PTPRN2: variants seen among roughly 807,000 people sequenced by gnomAD.
The protein encoded by PTPRN2 is protein tyrosine phosphatase receptor type N2, also known as receptor-type tyrosine-protein phosphatase N2.
PTPRN2 carries 74 observed loss-of-function variants against 118.8 expected under a neutral mutation model. The ratio of observed to expected loss-of-function variants is 0.62; its 90% CI spans 0.52 to 0.76. PTPRN2 has a LOEUF of 0.76. PTPRN2 is among the 30% of genes least tolerant of loss of function. PTPRN2 has a pLI of 0.00. For missense variants in PTPRN2, 1,481 were observed against 1,394.4 expected (o/e 1.06, Z -0.99); for synonymous variants, 641 against 608.0 (o/e 1.05, Z -0.80).
intron 12 of PTPRN2, among the ~76,000 whole-genome samples, chr7:157,750,304 C>T (rs182216908): frequency 5.9e-5 from 9 of 152,258 alleles, no homozygotes; most frequent in African/African-American, 1.2e-4. Flanking sequence ...TTTGGCCAAA[C>T]GATCAAAACA....
At chr7:158,011,301 C>T (rs1806029594) in intron 11 of PTPRN2, among the ~76,000 whole-genome samples, 1 of 152,180 alleles carries the variant, frequency 6.6e-6, no homozygotes, top group African/African-American at 2.4e-5. Flanking sequence ...GTCTATGTCT[C>T]CCGGTGATTG....
At chr7:157,973,160 C>T (rs1802473403) in intron 11 of PTPRN2, among the ~76,000 whole-genome samples, 1 of 152,186 alleles carries the variant, frequency 6.6e-6, no homozygotes, top group Admixed American at 6.5e-5. Context: ...ATGAGATGCC[C>T]TGGAGCAGCA....
chr7:157,590,167 CTTAAG>C lies in PTPRN2; in HGVS notation c.2496+5066_2496+5070del, dbSNP rs1800903845. ...TAATGTAGCACAAGATTGGCCCATA[CTTAAG>C]TTTTCTTTCCATTCTTCCTTTAAAA... is the stretch of plus-strand genomic sequence containing the variant. On this transcript the variant is annotated intron_variant, in intron 17 of 22. Coordinates refer to ENST00000389418, the MANE Select transcript of PTPRN2 (RefSeq NM_002847.5). The surrounding 1 kb of genome is among the most constrained non-coding windows in gnomAD (Gnocchi z 4.0). Among the ~76,000 whole-genome samples the C allele has an allele frequency of 6.6e-6, 1 of 152,178 alleles. No homozygotes were observed. Among genetic ancestry groups the C allele is most frequent in the Admixed American group, 6.5e-5 (1 of 15,276 alleles).
chr7:157,704,609 C>T (rs1798237360), intron 12 of PTPRN2, among the ~76,000 whole-genome samples: 1 of 152,168 alleles, frequency 6.6e-6, no homozygotes, highest in East Asian at 1.9e-4. Context: ...ACATTCGCTT[C>T]TGGGCACACG....
At chr7:158,361,484 C>G (rs1808956463) in intron 2 of PTPRN2, among the ~76,000 whole-genome samples, 1 of 152,206 alleles carries the variant, frequency 6.6e-6, no homozygotes, top group African/African-American at 2.4e-5. Context: ...CTCTTTTGCT[C>G]TTTCTTGCTG....
intron 1 of PTPRN2, chr7:158,537,594 C>G (rs1825723652): frequency 6.6e-6 from 1 of 152,650 alleles, no homozygotes. Context: ...AGAAGACCAG[C>G]AGACCAGGGG....
intron 11 of PTPRN2, chr7:158,027,892 GAGA>G (rs1347918011): frequency 6.6e-6 from 1 of 152,188 alleles, no homozygotes; most frequent in Non-Finnish European, 1.5e-5. Context: ...CCAAAACTGG[GAGA>G]AGGTCAGGCC....
chr7:157,754,736 T>A (rs1313753109), intron 12 of PTPRN2, among the ~76,000 whole-genome samples: 1 of 152,190 alleles, frequency 6.6e-6, no homozygotes, highest in Admixed American at 6.5e-5. Flanking sequence ...TGTAGTTAGT[T>A]TTCTTTGTAG....
At chr7:157,870,363 T>C (rs1284588703) in intron 12 of PTPRN2, among the ~76,000 whole-genome samples, 1 of 152,260 alleles carries the variant, frequency 6.6e-6, no homozygotes, top group African/African-American at 2.4e-5. Context: ...TCATTCTTTC[T>C]TAAAATGAGT....
chr7:157,794,652 C>T lies in PTPRN2; in HGVS notation c.1788+104021G>A, dbSNP rs1804752261. On this transcript the variant is annotated intron_variant, in intron 12 of 22. Coordinates refer to ENST00000389418, the MANE Select transcript of PTPRN2 (RefSeq NM_002847.5). This position sits in a 1 kb window ranked among gnomAD's most constrained non-coding sequence, Gnocchi z 5.2. The stretch of plus-strand genomic sequence containing the variant: ...CGTAAGTGGGAAAAGTGGGTGCCTT[C>T]TGTATTTTACATTTTTTATTGTGTC... Among the ~76,000 whole-genome samples the T allele has an allele frequency of 6.6e-6, 1 of 152,214 alleles. No homozygotes were observed. Among genetic ancestry groups the T allele is most frequent in the East Asian group, 1.9e-4 (1 of 5,200 alleles).
chr7:157,696,092 T>A (rs11772731), intron 12 of PTPRN2, among the ~76,000 whole-genome samples: 14,663 of 125,290 alleles, frequency 0.12, 411 homozygotes, highest in Non-Finnish European at 0.16. Context: ...GCATACTGGG[T>A]CTTGGCAGAG....
At chr7:158,414,900 A>AC (rs1422211070) in intron 2 of PTPRN2, among the ~76,000 whole-genome samples, 1 of 152,178 alleles carries the variant, frequency 6.6e-6, no homozygotes, top group Non-Finnish European at 1.5e-5. Flanking sequence ...GGGGGAAGGT[A>AC]CCTCTGCCTG....
Position 157,845,415 on chromosome 7 carries a change from G to GGTGAACCACGCA in PTPRN2, c.1788+53257_1788+53258insTGCGTGGTTCAC, listed in dbSNP as rs1808728302. Among the ~76,000 whole-genome samples, 1 of 142,420 alleles carries GGTGAACCACGCA rather than the reference G, an allele frequency of 7.0e-6. No homozygotes were observed. The highest frequency in any genetic ancestry group is 2.1e-4 in the South Asian group (1 of 4,772). The allele number at this position is 142,420 out of a possible 152,430, so 93.4% of individuals were successfully genotyped here. On this transcript the variant is annotated intron_variant, in intron 12 of 22. Transcript: ENST00000389418. The surrounding 1 kb of genome is among the most constrained non-coding windows in gnomAD (Gnocchi z 4.5). ...ACGCAGCCTAACTCACCAGGTTACT[G>GGTGAACCACGCA]GCCTAACTCACCATGTTCCCGGCCA... is the stretch of plus-strand genomic sequence containing the variant.
At chr7:158,399,283 A>G (rs1405904697) in intron 2 of PTPRN2, among the ~76,000 whole-genome samples, 2 of 152,244 alleles carry the variant, frequency 1.3e-5, no homozygotes, top group Non-Finnish European at 2.9e-5. Context: ...TCAGTATAGG[A>G]GACCCTGCTG....
intron 13 of PTPRN2, among the ~76,000 whole-genome samples, chr7:157,665,573 C>T (rs1381974042): frequency 1.3e-5 from 2 of 152,210 alleles, no homozygotes; most frequent in African/African-American, 2.4e-5. Flanking sequence ...TGGATGAAAC[C>T]TGTTTTCTTT....
intron 21 of PTPRN2, among the ~76,000 whole-genome samples, chr7:157,564,423 TA>T (rs1799380989): frequency 6.6e-6 from 1 of 152,200 alleles, no homozygotes. Context: ...AAATATTTTT[TA>T]AAAAGTAAAC....
intron 3 of PTPRN2, among the ~76,000 whole-genome samples, chr7:158,304,956 G>A (rs768129167): frequency 6.3e-4 from 96 of 152,282 alleles, no homozygotes; most frequent in East Asian, 1.2e-3. Context: ...TAAATATATC[G>A]CAGAAATATA....
intron 12 of PTPRN2, among the ~76,000 whole-genome samples, chr7:157,737,200 C>T (rs1323448290): frequency 6.6e-6 from 1 of 152,272 alleles, no homozygotes; most frequent in Non-Finnish European, 1.5e-5. Flanking sequence ...CCGATTTTAT[C>T]TTCATGCGTC....
At chr7:157,783,139 C>T (rs1803788200) in intron 12 of PTPRN2, among the ~76,000 whole-genome samples, 1 of 152,206 alleles carries the variant, frequency 6.6e-6, no homozygotes, top group South Asian at 2.1e-4. Flanking sequence ...TTTGCTTCCC[C>T]TTCTGCTGTG....
Sources: allele counts gnomAD v4.1 joint callset (sites outside exome capture counted in the v4.1 genomes callset), GRCh38; gene constraint gnomAD v4.1.1; non-coding constraint Gnocchi (gnomAD v3.1); transcripts MANE v1.5; gene names NCBI Gene and HGNC (gene_info 2026-07-23, HGNC 2026-07-21).